Variants in UCKL1 observed in about 807,000 individuals in gnomAD.
UCKL1 encodes the protein uridine-cytidine kinase-like 1.
In UCKL1, 65 loss-of-function variants were observed where a neutral mutation model predicts 59.2. The ratio of observed to expected loss-of-function variants is 1.10; its 90% CI spans 0.90 to 1.35. The LOEUF (loss-of-function observed/expected upper bound fraction) is 1.35, where lower values mean the gene tolerates loss of function less well. Among genes scored for constraint, UCKL1 ranks in the 40% most tolerant of loss-of-function variants. The pLI is 0.00. For missense variants in UCKL1, 703 were observed against 784.3 expected (o/e 0.90, Z 1.24); for synonymous variants, 410 against 323.1 (o/e 1.27, Z -2.88).
Position 63,945,722 on chromosome 20 carries a change from T to C in UCKL1, c.583A>G (p.Lys195Glu). The C allele has an allele frequency of 1.9e-6, 3 of 1,613,012 alleles. No individual in the cohort carries two copies. The highest frequency in any genetic ancestry group is 2.5e-6 in the Non-Finnish European group (3 of 1,179,684). The change falls in exon 5 of 15, where the codon AAA becomes GAA. Residue 195 changes from lysine to glutamate, a missense_variant and splice_region_variant. Lys to Glu is a moderately conservative substitution (Grantham distance 56, BLOSUM62 1). Transcript: ENST00000354216. Reference sequence around the variant, plus strand: ...ATGACGTTTGCACCATACAGTGTTTTCTGTGAAGAAACCCAGGAGTTGCGG... The same window carrying C: ...ATGACGTTTGCACCATACAGTGTTTCCTGTGAAGAAACCCAGGAGTTGCGG... ...FTTHSRKKDW[K>E]TLYGANVIIF...
chr20:63,944,350 G>A (rs1359171665), intron 7 of UCKL1, 47 bp downstream of exon 7: 1 of 1,520,508 alleles, frequency 6.6e-7, no homozygotes, highest in Non-Finnish European at 8.9e-7. Flanking sequence ...GGAGAAGTGG[G>A]TAGAGGGGCT....
chr20:63,943,351 C>T (rs1438094920), intron 8 of UCKL1, among the ~76,000 whole-genome samples: 1 of 152,228 alleles, frequency 6.6e-6, no homozygotes, highest in Non-Finnish European at 1.5e-5. Flanking sequence ...CTCAGGAGGA[C>T]AGCTGTGCTC....
chr20:63,939,930 A>G lies in UCKL1; in HGVS notation c.*46T>C. ...TCTTTGTATTCAGCAGTCCTGGGTC[A>G]GGAGGCAGGAGGAGGGTGGTGGGGA... On this transcript the variant is annotated 3_prime_UTR_variant, in exon 15 of 15. Coordinates refer to ENST00000354216, the MANE Select transcript of UCKL1 (RefSeq NM_017859.4). The G allele has an allele frequency of 1.3e-6, 2 of 1,527,260 alleles. No homozygotes were observed. Among genetic ancestry groups the G allele is most frequent in the Non-Finnish European group, 1.8e-6 (2 of 1,103,614 alleles). 94.6% of individuals were successfully genotyped at this position (1,527,260 alleles called of 1,614,324 possible).
At chr20:63,949,284 G>A (rs192442683) in intron 1 of UCKL1, among the ~76,000 whole-genome samples, 4 of 152,180 alleles carry the variant, frequency 2.6e-5, no homozygotes, top group African/African-American at 7.2e-5. Flanking sequence ...ACGACCAGGC[G>A]AGGGCGGCCC....
At position 63,940,834 on chromosome 20, in the gene UCKL1, T is replaced by C; in HGVS notation, c.1139A>G (p.Gln380Arg). Residue 380 changes from glutamine to arginine, a missense_variant, in exon 11 of 15, where the codon CAG (glutamine) becomes CGG (arginine). Physicochemically the swap from Gln to Arg is conservative, Grantham distance 43. Transcript: ENST00000354216. ...PFQDCVVQTP[Q>R]GQDYAGKCYA... Reference sequence around the variant, plus strand: ...GCACTTGCCCGCATAGTCCTGCCCCTGCGGGGTCTGTACGACGCAGTCCTG... The same window carrying C: ...GCACTTGCCCGCATAGTCCTGCCCCCGCGGGGTCTGTACGACGCAGTCCTG... 2 of 1,561,544 alleles carry C rather than the reference T, an allele frequency of 1.3e-6. No homozygotes were observed. Among genetic ancestry groups the C allele is most frequent in the Non-Finnish European group, 1.7e-6 (2 of 1,154,126 alleles).
chr20:63,948,600 C>G (rs1019814258), intron 1 of UCKL1: 1 of 26,104 alleles, frequency 3.8e-5, no homozygotes. Context: ...AGGGAGGGGG[C>G]GTGTGTGAGA....
intron 8 of UCKL1, among the ~76,000 whole-genome samples, chr20:63,942,055 G>A (rs1246598526): frequency 5.1e-4 from 2 of 3,902 alleles, no homozygotes. Flanking sequence ...CGTGACAGCG[G>A]CAGGGAAAGG....
chr20:63,944,317 A>G, intron 7 of UCKL1, 80 bp downstream of exon 7: 5 of 1,362,694 alleles, frequency 3.7e-6, no homozygotes, highest in Non-Finnish European at 5.0e-6. Flanking sequence ...TGAGGTGACC[A>G]GGCCACTGGG....
At position 63,946,508 on chromosome 20, in the gene UCKL1, C is replaced by G; in HGVS notation, c.249G>C (p.Gly83=). ...RTSKRTIYTA[G]RPPWYNEHGT... Reference sequence around the variant, plus strand: ...CGTGTTCATTGTACCAGGGCGGCCGCCCGGCGGTGTAGATGGTACGCTTGC... The same window carrying G: ...CGTGTTCATTGTACCAGGGCGGCCGGCCGGCGGTGTAGATGGTACGCTTGC... The change falls in exon 2 of 15, where the codon GGG becomes GGC. Residue 83 remains glycine, a synonymous_variant. Transcript: ENST00000354216. 6.3e-7 allele frequency: 1 copy of G among 1,595,112 alleles called. No individual in the cohort carries two copies. Among genetic ancestry groups the G allele is most frequent in the Non-Finnish European group, 8.5e-7 (1 of 1,170,604 alleles).
At chr20:63,943,056 A>AC (rs1329380318) in intron 8 of UCKL1, among the ~76,000 whole-genome samples, 1 of 151,546 alleles carries the variant, frequency 6.6e-6, no homozygotes, top group East Asian at 1.9e-4. Flanking sequence ...CTTGTGGCTG[A>AC]CCCCCCTGCA....
chr20:63,940,816 C>G lies in UCKL1; in HGVS notation c.1157G>C (p.Gly386Ala), dbSNP rs1483470415. The change falls in exon 11 of 15, where the codon GGC becomes GCC. Residue 386 changes from glycine (G) to alanine (A), a missense_variant. By Grantham distance (60) the Gly-to-Ala change is moderately conservative. This residue lies in a region of UCKL1 where 156 missense variants were observed against 185.6 expected (regional missense o/e 0.84). Coordinates refer to ENST00000354216, the MANE Select transcript of UCKL1 (RefSeq NM_017859.4). ...TACCTGCTTCCCCGCATAGCACTTG[C>G]CCGCATAGTCCTGCCCCTGCGGGGT... The part of the protein sequence containing the change: ...VQTPQGQDYA[G>A]KCYAGKQITG... The G allele has an allele frequency of 6.4e-7, 1 of 1,573,326 alleles. No individual in the cohort carries two copies. The highest frequency in any genetic ancestry group is 8.6e-7 in the Non-Finnish European group (1 of 1,160,986).
rs960356817 is a variant in UCKL1, at chr20:63,942,535, A to G, written c.923+1118T>C. ...ATGTTCAGGGAGGGAACAAGGCAGG[A>G]AACGGGGGTTTACAGAGAGAAGGAA... On this transcript the variant is annotated intron_variant, in intron 8 of 14. Coordinates refer to ENST00000354216, the MANE Select transcript of UCKL1 (RefSeq NM_017859.4). 5.3e-6 allele frequency: 6 copies of G among 1,123,846 alleles called. No individual in the cohort carries two copies. The African/African-American group carries it at 9.9e-5, about 19-fold the overall frequency. 69.6% of individuals were successfully genotyped at this position (1,123,846 alleles called of 1,614,324 possible).
At chr20:63,947,030 G>A (rs1226422470) in intron 1 of UCKL1, among the ~76,000 whole-genome samples, 1 of 151,844 alleles carries the variant, frequency 6.6e-6, no homozygotes, top group African/African-American at 2.4e-5. Flanking sequence ...ATTGCAATGA[G>A]CTATCGTGCC....
intron 2 of UCKL1, 58 bp from the exon 3 acceptor site, chr20:63,946,325 G>A (rs2056190230): frequency 1.3e-6 from 2 of 1,542,124 alleles, no homozygotes; most frequent in Non-Finnish European, 1.8e-6. Flanking sequence ...GCACAGATAG[G>A]TCCCAGAGGT....
intron 1 of UCKL1, chr20:63,955,560 G>A (rs557359160): frequency 3.9e-5 from 6 of 152,160 alleles, no homozygotes; most frequent in African/African-American, 1.4e-4. Flanking sequence ...CCCCTTCCTG[G>A]GGACCCCGCG....
chr20:63,947,603 T>C (rs1288660260), intron 1 of UCKL1, among the ~76,000 whole-genome samples: 2 of 152,244 alleles, frequency 1.3e-5, no homozygotes, highest in African/African-American at 4.8e-5. Flanking sequence ...CCTCTCTGGC[T>C]GTCAGAGTGC....
chr20:63,948,619 CGT>C (rs2056970008), intron 1 of UCKL1: 1 of 80,730 alleles, frequency 1.2e-5, no homozygotes, highest in Admixed American at 1.4e-4. Context: ...GAGGGAGGGG[CGT>C]GTGTGAGAGG....
intron 1 of UCKL1, chr20:63,950,909 G>A: frequency 7.1e-7 from 1 of 1,409,294 alleles, no homozygotes; most frequent in Non-Finnish European, 9.2e-7. Context: ...AGGCAGCCGT[G>A]GGGGACATCA....
chr20:63,945,512 G>T, intron 5 of UCKL1, 139 bp downstream of exon 5: 1 of 832,430 alleles, frequency 1.2e-6, no homozygotes, highest in Non-Finnish European at 1.9e-6. Flanking sequence ...GCCTGGGGTT[G>T]GGGTTGGGGT....
Sources: gnomAD v4.1 joint callset for allele counts (sites outside exome capture counted in the v4.1 genomes callset) on GRCh38, gnomAD v4.1.1 for gene constraint, gnomAD v4.1.1 regional missense constraint, MANE v1.5 for transcripts, NCBI Gene and HGNC (gene_info 2026-07-23, HGNC 2026-07-21) for gene names.